The following SANBR variants were observed in gnomAD, a reference collection of about 807,000 sequenced individuals.
SANBR encodes the protein SANT and BTB domain regulator of class switch recombination.
A neutral mutation model predicts 101.8 loss-of-function variants in SANBR; 77 were observed. The observed-to-expected ratio is 0.76, with a 90% CI of 0.63 to 0.91. SANBR has a LOEUF of 0.91. SANBR is among the 40% of genes least tolerant of loss of function. SANBR has a pLI of 0.00. For missense variants in SANBR, 875 were observed against 853.0 expected (o/e 1.03, Z -0.32); for synonymous variants, 279 against 274.7 (o/e 1.02, Z -0.15).
intron 16 of SANBR, among the ~76,000 whole-genome samples, chr2:61,109,642 AT>A (rs1182888929): frequency 1.0e-3 from 120 of 116,370 alleles, no homozygotes; most frequent in East Asian, 6.0e-3. Context: ...TCAATGTATG[AT>A]TTTTTTTTTT....
chr2:61,104,396 GGC>G (rs1295322074), intron 13 of SANBR, among the ~76,000 whole-genome samples: 1 of 151,796 alleles, frequency 6.6e-6, no homozygotes, highest in Non-Finnish European at 1.5e-5. Flanking sequence ...GCAGGAGAAT[GGC>G]GTGAACCCGG....
intron 13 of SANBR, 114 bp from the exon 14 acceptor site, chr2:61,106,449 C>G: frequency 1.7e-6 from 1 of 594,916 alleles, no homozygotes. Flanking sequence ...TCCTTATACT[C>G]AGGAACTGTA....
intron 5 of SANBR, among the ~76,000 whole-genome samples, 155 bp from the exon 6 acceptor site, chr2:61,076,765 G>A (rs1681807844): frequency 6.6e-6 from 1 of 152,142 alleles, no homozygotes; most frequent in South Asian, 2.1e-4. Flanking sequence ...GATCAGGCTA[G>A]CAAGACACTT....
At chr2:61,104,028 T>C in intron 13 of SANBR, 30 bp downstream of exon 13, 1 of 1,596,254 alleles carries the variant, frequency 6.3e-7, no homozygotes, top group Non-Finnish European at 8.6e-7. Flanking sequence ...AACACTGTAT[T>C]ATAGCTTTAT....
chr2:61,132,905 A>G (rs1315277868), intron 20 of SANBR, among the ~76,000 whole-genome samples: 2 of 152,240 alleles, frequency 1.3e-5, no homozygotes, highest in Non-Finnish European at 2.9e-5. Flanking sequence ...GACTCTATTT[A>G]TATAAAATAT....
intron 1 of SANBR, 160 bp downstream of exon 1, chr2:61,066,187 GCC>G (rs1192338642): frequency 6.5e-6 from 1 of 152,708 alleles, no homozygotes; most frequent in African/African-American, 2.4e-5. Flanking sequence ...CACAGCCTCA[GCC>G]GGCCGCGCCT....
downstream of SANBR, among the ~76,000 whole-genome samples, chr2:61,127,228 G>C (rs191664293): frequency 1.3e-5 from 2 of 152,220 alleles, no homozygotes; most frequent in East Asian, 3.9e-4. Context: ...CTTTCCTCTG[G>C]AGTTCATATT....
intron 7 of SANBR, among the ~76,000 whole-genome samples, chr2:61,081,889 T>G (rs1682153520): frequency 6.6e-6 from 1 of 152,186 alleles, no homozygotes; most frequent in South Asian, 2.1e-4. Context: ...TCTCAAGCAA[T>G]CCACCTGCCT....
At chr2:61,067,971 C>T (rs923930585) in intron 1 of SANBR, among the ~76,000 whole-genome samples, 60 of 152,168 alleles carry the variant, frequency 3.9e-4, no homozygotes, top group African/African-American at 1.4e-3. Flanking sequence ...AGTTGTGGAC[C>T]TGCAGTTTGG....
intron 6 of SANBR, among the ~76,000 whole-genome samples, chr2:61,078,365 G>A (rs1681904204): frequency 6.6e-6 from 1 of 152,088 alleles, no homozygotes; most frequent in Non-Finnish European, 1.5e-5. Flanking sequence ...GAATCCAGTT[G>A]TCTTCTGTTA....
At chr2:61,116,447 C>T (rs955825033) in intron 17 of SANBR, among the ~76,000 whole-genome samples, 6 of 151,728 alleles carry the variant, frequency 4.0e-5, no homozygotes, top group Non-Finnish European at 5.9e-5. Context: ...TGCCATTATA[C>T]CTTTTGAATT....
intron 11 of SANBR, among the ~76,000 whole-genome samples, chr2:61,095,146 GTCC>G (rs1682971828): frequency 6.6e-6 from 1 of 152,106 alleles, no homozygotes; most frequent in Non-Finnish European, 1.5e-5. Context: ...GTGTGTAAAG[GTCC>G]TCCTCACAAT....
chr2:61,117,376 C>T lies in SANBR; in HGVS notation c.1856C>T (p.Ser619Phe). The change falls in exon 18 of 22, where the codon TCT (serine) becomes TTT (phenylalanine). Residue 619 changes from serine (S) to phenylalanine (F), a missense_variant. Transcript: ENST00000402291. ...TTTTAGTCAGCTTCTAGAGATGTGT[C>T]TCCTTTCGTGTGAGTATTGCTCCTT... ...ALEKSASRDVSPFVMSMQKNK... is the reference protein window; with the variant it reads ...ALEKSASRDVFPFVMSMQKNK... The T allele has an allele frequency of 6.2e-7, 1 of 1,613,804 alleles. No individual in the cohort carries two copies.
intron 16 of SANBR, among the ~76,000 whole-genome samples, chr2:61,112,578 C>A (rs1436377634): frequency 6.6e-6 from 1 of 151,996 alleles, no homozygotes; most frequent in Non-Finnish European, 1.5e-5. Flanking sequence ...ACTGCAACCT[C>A]TGCCTCCTGG....
At chr2:61,106,991 C>G (rs1573645767) in intron 14 of SANBR, among the ~76,000 whole-genome samples, 1 of 152,026 alleles carries the variant, frequency 6.6e-6, no homozygotes, top group East Asian at 1.9e-4. Context: ...ATAGTGAGAC[C>G]TCATCTCTAC....
rs1682229966 is a variant in SANBR at position 61,083,140 on chromosome 2, CTA to C, written c.730-12_730-11del. On this transcript the variant is annotated splice_polypyrimidine_tract_variant and intron_variant, in intron 7 of 21. Coordinates refer to ENST00000402291, the MANE Select transcript of SANBR (RefSeq NM_001129993.3). Reference sequence around the variant, plus strand: ...TGCTACTATTTTCGACATTTATTTTCTATGATTTTTTAGGTTGAACAGTGTAT... The same window carrying C: ...TGCTACTATTTTCGACATTTATTTTCTGATTTTTTAGGTTGAACAGTGTAT... The C allele has an allele frequency of 6.3e-7, 1 of 1,584,294 alleles. No homozygotes were observed. Among genetic ancestry groups the C allele is most frequent in the African/African-American group, 1.3e-5 (1 of 74,098 alleles).
intron 6 of SANBR, 45 bp from the exon 7 acceptor site, chr2:61,081,407 T>G: frequency 6.5e-7 from 1 of 1,550,136 alleles, no homozygotes. Flanking sequence ...CAGAGGAGAT[T>G]GGGGTACCCA....
At chr2:61,115,909 T>G (rs969821625) in intron 16 of SANBR, 70 bp from the exon 17 acceptor site, 34 of 900,280 alleles carry the variant, frequency 3.8e-5, no homozygotes, top group Non-Finnish European at 5.3e-5. Context: ...GGTCTTATTG[T>G]TTAGAAGTAA....
At position 61,121,988 on chromosome 2, in the gene SANBR, G is replaced by A. The variant is rs1684348234; in HGVS notation, c.2121-138G>A. 5 of 1,176,502 alleles carry A rather than the reference G, an allele frequency of 4.2e-6. No homozygotes were observed. In the South Asian group the frequency reaches 8.8e-5, roughly 21 times the overall value. 72.9% of individuals were successfully genotyped at this position (1,176,502 alleles called of 1,614,324 possible). ...TCCAAAAATACATCTCCTGTTAAGA[G>A]TTTTAGAAAATGGATTACGGAGCTG... On this transcript the variant is annotated intron_variant, in intron 21 of 21. Coordinates refer to ENST00000402291, the MANE Select transcript of SANBR (RefSeq NM_001129993.3).
Sources: allele counts gnomAD v4.1 joint callset (sites outside exome capture counted in the v4.1 genomes callset), GRCh38; gene constraint gnomAD v4.1.1; transcripts MANE v1.5; gene names NCBI Gene and HGNC (gene_info 2026-07-23, HGNC 2026-07-21).